The following TCTN3 variants were observed in gnomAD, a reference collection of about 807,000 sequenced individuals.
The protein encoded by TCTN3 is tectonic-3.
TCTN3 carries 57 observed loss-of-function variants against 71.3 expected under a neutral mutation model. The ratio of observed to expected loss-of-function variants is 0.80; its 90% CI spans 0.65 to 1.00. TCTN3 has a LOEUF of 1.00. TCTN3 is among the 50% of genes least tolerant of loss of function. TCTN3 has a pLI of 0.00. For missense variants in TCTN3, 696 were observed against 719.9 expected, an observed-to-expected ratio of 0.97 and a Z score of 0.38; for synonymous variants, 258 against 267.8, an observed-to-expected ratio of 0.96 and a Z score of 0.36.
intron 13 of TCTN3, among the ~76,000 whole-genome samples, chr10:95,675,073 G>T (rs1307993506): frequency 1.3e-5 from 2 of 152,158 alleles, no homozygotes; most frequent in African/African-American, 4.8e-5. Flanking sequence ...TCATGTATCA[G>T]GGAGAGATTT....
At chr10:95,683,667 A>G in intron 9 of TCTN3, 38 bp from the exon 10 acceptor site, 2 of 1,567,584 alleles carry the variant, frequency 1.3e-6, no homozygotes, top group Admixed American at 1.8e-5. Context: ...TATGGAGATA[A>G]GCATACTTTC....
chr10:95,689,845 A>T (rs1056156583), intron 3 of TCTN3, among the ~76,000 whole-genome samples: 5 of 152,236 alleles, frequency 3.3e-5, no homozygotes, highest in Non-Finnish European at 7.3e-5. Context: ...GTAAAAGGGT[A>T]GCAAAAAGCC....
At chr10:95,692,880 T>C (rs772879936) in intron 3 of TCTN3, 40 bp downstream of exon 3, 1 of 1,430,574 alleles carries the variant, frequency 7.0e-7, no homozygotes, top group Non-Finnish European at 9.9e-7. Flanking sequence ...ATAACACTCC[T>C]GTGTTAGAAA....
intron 13 of TCTN3, among the ~76,000 whole-genome samples, chr10:95,672,972 TGTGA>T (rs60235916): frequency 0.84 from 127,364 of 151,598 alleles, 54,058 homozygotes; most frequent in Non-Finnish European, 0.91. Context: ...GGATTACAGG[TGTGA>T]GTGAGCCACT....
chr10:95,673,195 A>G (rs1023517385), intron 13 of TCTN3, among the ~76,000 whole-genome samples: 1 of 152,108 alleles, frequency 6.6e-6, no homozygotes, highest in African/African-American at 2.4e-5. Context: ...CTAAAGTCTA[A>G]TTTATCAATT....
rs765803620 is a variant in TCTN3 at position 95,680,500 on chromosome 10, C to T, written c.1562G>A (p.Arg521Gln). Reference protein sequence around the residue: ...SNPQAHVSGVRFLYQCQSIQD... With the variant: ...SNPQAHVSGVQFLYQCQSIQD... ...TATAGACTGGCACTGGTATAGGAAT[C>T]GAACTCCTGATACATGAGCTTGCGG... is the stretch of plus-strand genomic sequence containing the variant. Residue 521 changes from arginine to glutamine, a missense_variant, in exon 13 of 14, where the codon CGA (arginine) becomes CAA (glutamine). Transcript: ENST00000371217. 2.7e-5 allele frequency: 44 copies of T among 1,613,930 alleles called. No individual in the cohort carries two copies. Among genetic ancestry groups the T allele is most frequent in the African/African-American group, 1.3e-4 (10 of 74,924 alleles).
At chr10:95,665,474 T>C (rs2097924832) in intron 13 of TCTN3, among the ~76,000 whole-genome samples, 1 of 152,056 alleles carries the variant, frequency 6.6e-6, no homozygotes, top group Non-Finnish European at 1.5e-5. Flanking sequence ...AGAGACGGGG[T>C]TTCACCATGT....
At chr10:95,673,167 CAG>C (rs2097933437) in intron 13 of TCTN3, among the ~76,000 whole-genome samples, 1 of 152,154 alleles carries the variant, frequency 6.6e-6, no homozygotes, top group Non-Finnish European at 1.5e-5. Flanking sequence ...TTTTGGTGAG[CAG>C]AGATTTTTAA....
chr10:95,680,396 T>G, intron 13 of TCTN3, 76 bp downstream of exon 13: 1 of 1,494,744 alleles, frequency 6.7e-7, no homozygotes, highest in Non-Finnish European at 8.9e-7. Flanking sequence ...GGTAAAAAAT[T>G]ATTTGGTTAA....
At chr10:95,685,715 G>C (rs2097947637) in intron 7 of TCTN3, 79 bp from the exon 8 acceptor site, 3 of 1,170,454 alleles carry the variant, frequency 2.6e-6, no homozygotes, top group Non-Finnish European at 3.7e-6. Flanking sequence ...ATCATGCTAA[G>C]ATGAGTATTT....
chr10:95,683,536 C>A lies in TCTN3; in HGVS notation c.1189G>T (p.Asp397Tyr). ...AAAAAGGATACTGAGTAACTTATATCATCAGTCAGAGCCAAGAGTGGCTTC... is the reference window on the plus strand; with the variant it reads ...AAAAAGGATACTGAGTAACTTATATAATCAGTCAGAGCCAAGAGTGGCTTC... ...VGKPLLALTD[D>Y]ISYSMTLLQS... Residue 397 changes from aspartate (D) to tyrosine (Y), a missense_variant, in exon 10 of 14, where the codon GAT (aspartate) becomes TAT (tyrosine). Physicochemically the swap from Asp to Tyr is radical, Grantham distance 160. Coordinates refer to ENST00000371217, the MANE Select transcript of TCTN3 (RefSeq NM_015631.6). The A allele has an allele frequency of 6.2e-7, 1 of 1,614,194 alleles. No homozygotes were observed. Among genetic ancestry groups the A allele is most frequent in the Non-Finnish European group, 8.5e-7 (1 of 1,180,026 alleles).
chr10:95,689,030 C>T (rs977728679), intron 3 of TCTN3, among the ~76,000 whole-genome samples: 3 of 152,150 alleles, frequency 2.0e-5, no homozygotes, highest in Non-Finnish European at 4.4e-5. Flanking sequence ...GAGGATTCCA[C>T]GTTAAATGAA....
At chr10:95,665,556 C>T (rs761391584) in intron 13 of TCTN3, among the ~76,000 whole-genome samples, 24 of 152,224 alleles carry the variant, frequency 1.6e-4, no homozygotes, top group Non-Finnish European at 2.2e-4. Context: ...GCTGGGATTA[C>T]AGGTGTGAGC....
chr10:95,680,382 G>A, intron 13 of TCTN3, 90 bp downstream of exon 13: 3 of 1,458,952 alleles, frequency 2.1e-6, no homozygotes, highest in Middle Eastern at 2.0e-4. Flanking sequence ...ATTAGCTCTT[G>A]GAAGGTAAAA....
intron 5 of TCTN3, 41 bp from the exon 6 acceptor site, chr10:95,687,200 C>G: frequency 6.2e-7 from 1 of 1,612,192 alleles, no homozygotes; most frequent in Non-Finnish European, 8.5e-7. Context: ...ATGAGAAAGC[C>G]TGTTTTAAAT....
rs1044963961 is a variant in TCTN3, at chr10:95,682,715, C to T, written c.1388G>A (p.Gly463Asp). 6.2e-7 allele frequency: 1 copy of T among 1,614,146 alleles called. No homozygotes were observed. The highest frequency in any genetic ancestry group is 8.5e-7 in the Non-Finnish European group (1 of 1,180,018). ...RPRPEYVAIF[G>D]NADPAQKGGW... ...TCCTTTCTGGGCTGGGTCAGCATTA[C>T]CAAAGATGGCAACATACTCTGGTCT... Residue 463 changes from glycine (G) to aspartate (D), a missense_variant, in exon 12 of 14, where the codon GGT (glycine) becomes GAT (aspartate). Transcript: ENST00000371217.
intron 13 of TCTN3, among the ~76,000 whole-genome samples, chr10:95,669,392 C>A (rs1229986878): frequency 1.3e-5 from 2 of 152,150 alleles, no homozygotes; most frequent in Non-Finnish European, 2.9e-5. Flanking sequence ...ATCAAAATAA[C>A]ACATGGATCC....
At chr10:95,669,753 A>T (rs1424508865) in intron 13 of TCTN3, among the ~76,000 whole-genome samples, 1 of 152,200 alleles carries the variant, frequency 6.6e-6, no homozygotes, top group Non-Finnish European at 1.5e-5. Flanking sequence ...CAAAGTAGAA[A>T]GTATGTCACA....
At position 95,693,894 on chromosome 10, in the gene TCTN3, G is replaced by T. The variant is rs1395472461; in HGVS notation, c.6C>A (p.Arg2=). 1 of 1,551,514 alleles carries T rather than the reference G, an allele frequency of 6.4e-7. No individual in the cohort carries two copies. Among genetic ancestry groups the T allele is most frequent in the Non-Finnish European group, 8.7e-7 (1 of 1,146,950 alleles). The stretch of plus-strand genomic sequence containing the variant: ...CTTGCAGGAGCGCGAGCTGTGGGGT[G>T]CGCATGGGGCATTCAGGGCCTCCGG... M[R]TPQLALLQVF... Residue 2 remains arginine, a synonymous_variant, in exon 1 of 14, where the codon CGC becomes CGA. Coordinates refer to ENST00000371217, the MANE Select transcript of TCTN3 (RefSeq NM_015631.6).
Sources: gnomAD v4.1 joint callset for allele counts (sites outside exome capture counted in the v4.1 genomes callset) on GRCh38, gnomAD v4.1.1 for gene constraint, MANE v1.5 for transcripts, NCBI Gene and HGNC (gene_info 2026-07-23, HGNC 2026-07-21) for gene names.